KCNMA1: variants seen among roughly 807,000 people sequenced by gnomAD.
The protein encoded by KCNMA1 is Calcium-activated potassium channel subunit alpha-1.
Under a neutral mutation model 140.0 loss-of-function variants are expected in KCNMA1, and 29 were observed. The observed-to-expected ratio is 0.21, with a 90% CI of 0.15 to 0.28. The LOEUF (loss-of-function observed/expected upper bound fraction) is 0.28, where lower values mean the gene tolerates loss of function less well. Ranked by LOEUF, KCNMA1 falls within the 10% of genes least tolerant of loss-of-function variation. KCNMA1 has a pLI of 1.00. For synonymous variants in KCNMA1, 612 were observed against 611.9 expected (o/e 1.00, Z 0.00); for missense variants, 880 against 1,602.2 (o/e 0.55, Z 7.70).
intron 25 of KCNMA1, among the ~76,000 whole-genome samples, chr10:76,897,778 T>C (rs1477485238): frequency 1.3e-5 from 2 of 151,980 alleles, no homozygotes; most frequent in African/African-American, 4.8e-5. Flanking sequence ...AAACTAGCTA[T>C]TAATATAGTA....
chr10:77,070,110 C>A (rs1379415369), intron 14 of KCNMA1, among the ~76,000 whole-genome samples: 1 of 152,150 alleles, frequency 6.6e-6, no homozygotes, highest in African/African-American at 2.4e-5. Context: ...GCCAACACAC[C>A]TGGCCAGTAA....
chr10:77,011,978 C>A lies in KCNMA1; in HGVS notation c.2081G>T (p.Gly694Val), dbSNP rs201938802. Residue 694 changes from glycine to valine, a missense_variant, in exon 18 of 28, where the codon GGC (glycine) becomes GTC (valine). Physicochemically the swap from Gly to Val is moderately radical, Grantham distance 109. Coordinates refer to ENST00000286628, the MANE Select transcript of KCNMA1 (RefSeq NM_001161352.2). ...ITDPKRIKKC[G>V]CKRPKMSIYK... ...GAAACACTACTTACGCCGTTTGCAG[C>A]CACATTTTTTTATTCTTTTGGGATC... is the stretch of plus-strand genomic sequence containing the variant. 6.2e-7 allele frequency: 1 copy of A among 1,613,838 alleles called. No individual in the cohort carries two copies. The highest frequency in any genetic ancestry group is 1.3e-5 in the African/African-American group (1 of 75,006).
intron 3 of KCNMA1, among the ~76,000 whole-genome samples, chr10:77,199,761 C>T (rs1446125045): frequency 6.6e-6 from 1 of 152,026 alleles, no homozygotes; most frequent in East Asian, 1.9e-4. Flanking sequence ...GGCAGAGAGA[C>T]AGAAGCACAG....
intron 23 of KCNMA1, among the ~76,000 whole-genome samples, chr10:76,920,346 C>T (rs111972935): frequency 3.3e-5 from 5 of 152,066 alleles, no homozygotes; most frequent in African/African-American, 9.6e-5. Context: ...ATTTTGCTCA[C>T]GTAATAACTT....
At chr10:76,910,378 T>G in intron 24 of KCNMA1, 1 of 415,334 alleles carries the variant, frequency 2.4e-6, no homozygotes, top group Non-Finnish European at 4.5e-6. Context: ...GGCCAGTCCT[T>G]TGGCATAGCT....
chr10:77,606,562 A>G (rs1431925590), intron 1 of KCNMA1, among the ~76,000 whole-genome samples: 1 of 152,254 alleles, frequency 6.6e-6, no homozygotes, highest in African/African-American at 2.4e-5. Flanking sequence ...GTAAGTTATG[A>G]CCATGCCACT....
intron 5 of KCNMA1, among the ~76,000 whole-genome samples, chr10:77,169,022 T>C (rs927918783): frequency 5.3e-5 from 8 of 152,186 alleles, no homozygotes; most frequent in Non-Finnish European, 4.4e-5. Flanking sequence ...ACTCCTGATC[T>C]AGTTGATGAG....
intron 1 of KCNMA1, among the ~76,000 whole-genome samples, chr10:77,567,582 A>G (rs1200527941): frequency 6.6e-6 from 1 of 152,250 alleles, no homozygotes; most frequent in Non-Finnish European, 1.5e-5. Context: ...CAAGGAAAGT[A>G]AAGGCTAAAG....
rs368962620 is a variant in KCNMA1, at chr10:77,427,102, G to A, written c.379-23079C>T. On this transcript the variant is annotated intron_variant, in intron 1 of 27. Transcript: ENST00000286628. ...AACATCTAGCACATGCAATTTCTGA[G>A]TGCAGTGCACAGCAATTCTTCCCAA... 2.3e-4 allele frequency among the ~76,000 whole-genome samples: 35 copies of A among 152,286 alleles called. 1 individual carries two copies. In the South Asian group the frequency reaches 4.4e-3, roughly 19 times the overall value.
intron 11 of KCNMA1, 43 bp from the exon 12 acceptor site, chr10:77,084,762 A>C: frequency 2.2e-6 from 3 of 1,372,726 alleles, no homozygotes; most frequent in Non-Finnish European, 2.1e-6. Flanking sequence ...AAACATATAA[A>C]TAGCCATGCT....
At chr10:76,992,111 C>A (rs1016116053) in intron 19 of KCNMA1, among the ~76,000 whole-genome samples, 2 of 152,138 alleles carry the variant, frequency 1.3e-5, no homozygotes, top group African/African-American at 4.8e-5. Flanking sequence ...ATTGAAGGGG[C>A]TAGAATGAAA....
intron 1 of KCNMA1, among the ~76,000 whole-genome samples, chr10:77,466,984 A>G (rs1448042488): frequency 6.6e-6 from 1 of 152,166 alleles, no homozygotes; most frequent in African/African-American, 2.4e-5. Context: ...AAGAAAAAGT[A>G]GAGAAAAGAA....
chr10:76,931,188 G>A (rs539822301), intron 23 of KCNMA1, among the ~76,000 whole-genome samples: 1 of 152,212 alleles, frequency 6.6e-6, no homozygotes, highest in African/African-American at 2.4e-5. Context: ...TAGTAACTAT[G>A]GGAGATGATG....
downstream of KCNMA1, among the ~76,000 whole-genome samples, chr10:76,882,426 C>T (rs1377058514): frequency 6.6e-6 from 1 of 152,092 alleles, no homozygotes; most frequent in Non-Finnish European, 1.5e-5. Flanking sequence ...GGTTTCCTGT[C>T]CCGCGCTTGT....
At position 76,892,106 on chromosome 10, in the gene KCNMA1, C is replaced by T. The variant is rs115884805; in HGVS notation, c.3148-387G>A. Among the ~76,000 whole-genome samples, 225 of 152,252 alleles carry T rather than the reference C, an allele frequency of 1.5e-3. 3 individuals are homozygous for T. Among genetic ancestry groups the T allele is most frequent in the African/African-American group, 5.0e-3 (209 of 41,544 alleles). ...AATGCAGCCTGCCCCAGCTACTAAC[C>T]CAAGCAGCATTGTCTCTGAGGCCCT... On this transcript the variant is annotated intron_variant, in intron 25 of 27. Transcript: ENST00000286628.
intron 3 of KCNMA1, among the ~76,000 whole-genome samples, chr10:77,214,827 C>T (rs1460973124): frequency 6.6e-6 from 1 of 152,152 alleles, no homozygotes; most frequent in Non-Finnish European, 1.5e-5. Flanking sequence ...GTTTCCCATC[C>T]AGCCTCCTCC....
At chr10:77,513,017 A>G (rs1053815303) in intron 1 of KCNMA1, among the ~76,000 whole-genome samples, 1 of 152,126 alleles carries the variant, frequency 6.6e-6, no homozygotes, top group Non-Finnish European at 1.5e-5. Context: ...GTGGCTGCCT[A>G]AATTCCTCCA....
At chr10:76,899,631 A>G (rs1197722687) in intron 25 of KCNMA1, among the ~76,000 whole-genome samples, 1 of 152,132 alleles carries the variant, frequency 6.6e-6, no homozygotes, top group Non-Finnish European at 1.5e-5. Flanking sequence ...AAGGCTGAAA[A>G]TATTTACCAT....
intron 5 of KCNMA1, among the ~76,000 whole-genome samples, chr10:77,157,286 C>CA (rs1403413586): frequency 6.6e-6 from 1 of 151,974 alleles, no homozygotes; most frequent in Non-Finnish European, 1.5e-5. Context: ...CTAAAAAATA[C>CA]AAAAAATTAG....
Sources: allele counts gnomAD v4.1 joint callset (sites outside exome capture counted in the v4.1 genomes callset), GRCh38; gene constraint gnomAD v4.1.1; transcripts MANE v1.5; gene names NCBI Gene and HGNC (gene_info 2026-07-23, HGNC 2026-07-21).